The following TENM1 variants were observed in gnomAD, a reference collection of about 807,000 sequenced individuals.
TENM1 encodes the protein teneurin transmembrane protein 1.
Under a neutral mutation model 174.8 loss-of-function variants are expected in TENM1, and 35 were observed. That is an observed-to-expected ratio of 0.20 (90% confidence interval 0.15 to 0.27). The LOEUF is 0.27. Ranked by LOEUF, TENM1 falls within the 10% of genes least tolerant of loss-of-function variation. The pLI, the probability that TENM1 is intolerant of heterozygous loss-of-function variation, is 1.00. For missense variants in TENM1, 1,633 were observed against 2,130.1 expected (o/e 0.77, Z 4.59); for synonymous variants, 781 against 798.7 (o/e 0.98, Z 0.37).
intron 3 of TENM1, among the ~76,000 whole-genome samples, chrX:124,829,192 A>G (rs139772757): frequency 8.9e-6 from 1 of 112,457 alleles, no homozygotes; most frequent in East Asian, 2.8e-4. Context: ...CATTAAGGAA[A>G]ACATGAAACT....
At chrX:124,474,503 A>G (rs2061366961) in intron 22 of TENM1, among the ~76,000 whole-genome samples, 1 of 112,092 alleles carries the variant, frequency 8.9e-6, no homozygotes, top group African/African-American at 3.2e-5. Flanking sequence ...AATTAAGACA[A>G]ATGCAGAAGA....
intron 22 of TENM1, among the ~76,000 whole-genome samples, chrX:124,471,231 C>T (rs1285516404): frequency 1.4e-4 from 8 of 57,422 alleles, no homozygotes; most frequent in African/African-American, 6.0e-4. Context: ...ATATATAGTA[C>T]TATATATAAT....
intron 23 of TENM1, among the ~76,000 whole-genome samples, chrX:124,447,194 G>A (rs2060974149): frequency 9.0e-6 from 1 of 111,614 alleles, no homozygotes; most frequent in African/African-American, 3.3e-5. Flanking sequence ...GCTGAAGATG[G>A]CCCATGTTCT....
chrX:125,016,954 G>T, the TENM1 span, among the ~76,000 whole-genome samples: 2 of 111,730 alleles, frequency 1.8e-5, no homozygotes, highest in Non-Finnish European at 3.8e-5. Flanking sequence ...ACAAAAACAA[G>T]CAATGGGGAA....
Position 124,383,502 on chromosome X carries a change from C to G in TENM1, c.7297+132G>C, listed in dbSNP as rs73544893. 4.2e-4 allele frequency: 256 copies of G among 603,199 alleles called. 1 individual carries two copies. The African/African-American group carries it at 4.9e-3, about 12-fold the overall frequency. 49.7% of individuals were successfully genotyped at this position (603,199 alleles called of 1,213,427 possible). On this transcript the variant is annotated intron_variant, in intron 30 of 31. Transcript: ENST00000422452. ...CACTCTAGAAAACTAAGGAAGACAG[C>G]AAATGCACAATAACTTGCGGGCTAA...
chrX:125,178,877 C>T, the TENM1 span, among the ~76,000 whole-genome samples: 3 of 110,052 alleles, frequency 2.7e-5, no homozygotes, highest in Non-Finnish European at 5.7e-5. Context: ...GAGGCTGAAG[C>T]AGGAGAATTG....
At chrX:125,137,004 G>A in the TENM1 span, among the ~76,000 whole-genome samples, 9 of 110,739 alleles carry the variant, frequency 8.1e-5, no homozygotes, top group Non-Finnish European at 1.7e-4. Context: ...TGTGGGCATT[G>A]GAGTCAGACA....
chrX:125,001,226 A>C, the TENM1 span, among the ~76,000 whole-genome samples: 1 of 111,399 alleles, frequency 9.0e-6, no homozygotes, highest in African/African-American at 3.3e-5. Context: ...TCTAACTTAC[A>C]AGGTAATAGA....
intron 4 of TENM1, among the ~76,000 whole-genome samples, chrX:124,710,260 C>CA (rs200591116): frequency 0.012 from 1,293 of 111,094 alleles, 16 homozygotes; most frequent in African/African-American, 0.041. Flanking sequence ...TTGGAGGTGA[C>CA]AAAATGTCAC....
At chrX:124,642,177 C>CA (rs776649227) in intron 10 of TENM1, among the ~76,000 whole-genome samples, 186 bp from the exon 14 acceptor site, 42 of 112,406 alleles carry the variant, frequency 3.7e-4, no homozygotes, top group Admixed American at 1.2e-3. Flanking sequence ...CACTTCAAAA[C>CA]ATGGTGGGGT....
chrX:124,386,112 G>A, intron 28 of TENM1, 48 bp from the exon 32 acceptor site: 1 of 1,088,645 alleles, frequency 9.2e-7, no homozygotes, highest in Admixed American at 2.6e-5. Context: ...AACTAAAGTT[G>A]AGGCGACTAA....
At chrX:125,163,265 A>G in the TENM1 span, among the ~76,000 whole-genome samples, 1 of 110,518 alleles carries the variant, frequency 9.0e-6, no homozygotes, top group Non-Finnish European at 1.9e-5. Flanking sequence ...TGCCCCACTC[A>G]TCCTAGGATC....
chrX:124,682,995 G>A (rs759011190), intron 5 of TENM1, among the ~76,000 whole-genome samples: 23 of 111,672 alleles, frequency 2.1e-4, no homozygotes, highest in African/African-American at 3.6e-4. Context: ...GTACCATGGT[G>A]ATATAGGACG....
At chrX:124,912,655 C>T (rs1008029893) in intron 1 of TENM1, among the ~76,000 whole-genome samples, 4 of 111,176 alleles carry the variant, frequency 3.6e-5, no homozygotes, top group African/African-American at 1.3e-4. Flanking sequence ...CACTTCATGA[C>T]GTATAATCAA....
chrX:125,125,393 A>G, the TENM1 span, among the ~76,000 whole-genome samples: 1 of 112,104 alleles, frequency 8.9e-6, no homozygotes, highest in Non-Finnish European at 1.9e-5. Flanking sequence ...GTCCAGTCCT[A>G]TGATTAACTA....
At chrX:125,070,564 G>C in the TENM1 span, among the ~76,000 whole-genome samples, 1 of 111,547 alleles carries the variant, frequency 9.0e-6, no homozygotes, top group Admixed American at 9.6e-5. Flanking sequence ...TTAAGGTTCA[G>C]GGGAGTAAAA....
chrX:125,164,194 C>G, the TENM1 span, among the ~76,000 whole-genome samples: 529 of 111,708 alleles, frequency 4.7e-3, 3 homozygotes, highest in Middle Eastern at 0.014. Context: ...GTACACAAAG[C>G]CTGAACTGAC....
At chrX:124,600,958 GT>G (rs1342015978) in intron 11 of TENM1, among the ~76,000 whole-genome samples, 1 of 111,726 alleles carries the variant, frequency 9.0e-6, no homozygotes, top group Non-Finnish European at 1.9e-5. Flanking sequence ...TGAATTTCCT[GT>G]TTTCTATAGC....
chrX:124,813,079 T>C (rs1208135151), intron 3 of TENM1, among the ~76,000 whole-genome samples: 1 of 111,334 alleles, frequency 9.0e-6, no homozygotes, highest in Admixed American at 9.6e-5. Context: ...ACTACTTTAC[T>C]TAATATATAA....
Sources: gnomAD v4.1 joint callset for allele counts (sites outside exome capture counted in the v4.1 genomes callset) on GRCh38, gnomAD v4.1.1 for gene constraint, MANE v1.5 for transcripts, NCBI Gene and HGNC (gene_info 2026-07-23, HGNC 2026-07-21) for gene names.